The following CLNK variants were observed in gnomAD, a reference collection of about 807,000 sequenced individuals.
The protein encoded by CLNK is cytokine-dependent hematopoietic cell linker.
In CLNK, 74 loss-of-function variants were observed where a neutral mutation model predicts 68.6. That is an observed-to-expected ratio of 1.08 (90% CI 0.89 to 1.31). The LOEUF (loss-of-function observed/expected upper bound fraction) is 1.31, where lower values mean the gene tolerates loss of function less well. CLNK is among the 50% of genes most tolerant of loss of function. CLNK has a pLI of 0.00. For missense variants in CLNK, 553 were observed against 515.3 expected (o/e 1.07, Z -0.71); for synonymous variants, 198 against 172.2 (o/e 1.15, Z -1.17).
Position 10,649,343 on chromosome 4 carries a change from T to C in CLNK, c.11+18516A>G, listed in dbSNP as rs958157144. Among the ~76,000 whole-genome samples, 3 of 151,968 alleles carry C rather than the reference T, an allele frequency of 2.0e-5. No homozygotes were observed. The East Asian group carries it at 5.8e-4, about 29-fold the overall frequency. On this transcript the variant is annotated intron_variant, in intron 2 of 18. Coordinates refer to ENST00000226951, the MANE Select transcript of CLNK (RefSeq NM_052964.4). ...AAAAGCAGGGACTATTCAGAGAGAG[T>C]CCAAAATCTAAATGAAGGTGAATAA...
rs1553848181 is a variant in CLNK, at chr4:10,537,706, C to CCTTCCTTTCTTT, written c.602+2787_602+2788insAAAGAAAGGAAG. Among the ~76,000 whole-genome samples the CCTTCCTTTCTTT allele has an allele frequency of 6.7e-4, 9 of 13,400 alleles. 1 individual carries two copies. Among genetic ancestry groups the CCTTCCTTTCTTT allele is most frequent in the South Asian group, 3.3e-3 (1 of 304 alleles). 8.8% of individuals were successfully genotyped at this position (13,400 alleles called of 152,430 possible). On this transcript the variant is annotated intron_variant, in intron 11 of 18. Coordinates refer to ENST00000226951, the MANE Select transcript of CLNK (RefSeq NM_052964.4). The stretch of plus-strand genomic sequence containing the variant: ...TCCTTCCTTCCTTCCTTCCTTCCTT[C>CCTTCCTTTCTTT]CTTTCTTTCTTTCTTTCTTTCTTTC...
chr4:10,524,234 A>C (rs1718209129), intron 14 of CLNK, among the ~76,000 whole-genome samples: 1 of 152,144 alleles, frequency 6.6e-6, no homozygotes, highest in South Asian at 2.1e-4. Flanking sequence ...CCAAGAAATG[A>C]GAATAAAATT....
At chr4:10,618,983 T>C (rs1274581521) in intron 2 of CLNK, among the ~76,000 whole-genome samples, 1 of 152,188 alleles carries the variant, frequency 6.6e-6, no homozygotes, top group Non-Finnish European at 1.5e-5. Flanking sequence ...TAAATTTATA[T>C]CTAAAAGAAG....
intron 11 of CLNK, among the ~76,000 whole-genome samples, chr4:10,537,707 CT>C (rs1718846804): frequency 1.5e-4 from 6 of 39,370 alleles, no homozygotes; most frequent in African/African-American, 3.0e-4. Context: ...TCCTTCCTTC[CT>C]TTCTTTCTTT....
chr4:10,543,025 C>T (rs188508715), intron 8 of CLNK, among the ~76,000 whole-genome samples: 2 of 152,218 alleles, frequency 1.3e-5, no homozygotes, highest in Admixed American at 6.5e-5. Context: ...AAATACAATG[C>T]GATCCTTCCT....
intron 4 of CLNK, among the ~76,000 whole-genome samples, chr4:10,578,225 T>C (rs1431779332): frequency 2.0e-5 from 3 of 152,222 alleles, no homozygotes; most frequent in Non-Finnish European, 2.9e-5. Context: ...GCCAAATCCT[T>C]CTCACTCAAC....
the CLNK span, among the ~76,000 whole-genome samples, chr4:10,728,928 G>A: frequency 2.6e-5 from 4 of 151,858 alleles, no homozygotes; most frequent in Non-Finnish European, 1.5e-5. Flanking sequence ...ATATACCTTT[G>A]ATATTATTCT....
At chr4:10,591,391 G>T (rs891012968) in intron 3 of CLNK, among the ~76,000 whole-genome samples, 3 of 152,188 alleles carry the variant, frequency 2.0e-5, no homozygotes, top group Non-Finnish European at 4.4e-5. Flanking sequence ...AACTAGAACA[G>T]AATGCAACTG....
chr4:10,535,677 C>G (rs938910038), intron 11 of CLNK, among the ~76,000 whole-genome samples: 1 of 152,144 alleles, frequency 6.6e-6, no homozygotes. Flanking sequence ...AGGCTCAGTG[C>G]AGTGGTTAGT....
At chr4:10,547,611 T>G (rs1277176089) in intron 8 of CLNK, among the ~76,000 whole-genome samples, 1 of 152,166 alleles carries the variant, frequency 6.6e-6, no homozygotes, top group African/African-American at 2.4e-5. Context: ...GCACCATAAC[T>G]GAAACTTTGT....
chr4:10,713,526 C>A, the CLNK span, among the ~76,000 whole-genome samples: 4 of 151,956 alleles, frequency 2.6e-5, no homozygotes, highest in East Asian at 5.8e-4. Flanking sequence ...TAGAGAGAGA[C>A]CTGGGGGTAG....
At chr4:10,654,384 A>ATATATATATATATATATATATAT (rs1723874404) in intron 2 of CLNK, among the ~76,000 whole-genome samples, 1 of 84,136 alleles carries the variant, frequency 1.2e-5, no homozygotes, top group Non-Finnish European at 3.1e-5. Flanking sequence ...ATATTGATTA[A>ATATATATATATATATATATATAT]ATATATATAT....
At chr4:10,532,964 TAAC>T (rs780054835) in intron 11 of CLNK, among the ~76,000 whole-genome samples, 1 of 152,098 alleles carries the variant, frequency 6.6e-6, no homozygotes, top group Non-Finnish European at 1.5e-5. Context: ...AAATAAAAAG[TAAC>T]AAAGTTGGGG....
At chr4:10,493,117 G>A (rs528854087) in intron 18 of CLNK, among the ~76,000 whole-genome samples, 1 of 152,312 alleles carries the variant, frequency 6.6e-6, no homozygotes, top group South Asian at 2.1e-4. Flanking sequence ...AGGAGTTCGA[G>A]GCCAGCCTGG....
chr4:10,576,143 C>T (rs747326794), intron 4 of CLNK, among the ~76,000 whole-genome samples: 9 of 152,292 alleles, frequency 5.9e-5, no homozygotes, highest in South Asian at 2.1e-4. Context: ...CGGGAAGCAG[C>T]GATAGAACCT....
At chr4:10,600,338 T>G (rs922647905) in intron 2 of CLNK, among the ~76,000 whole-genome samples, 1 of 152,226 alleles carries the variant, frequency 6.6e-6, no homozygotes, top group African/African-American at 2.4e-5. Flanking sequence ...TTTCGTTTGT[T>G]CATGAGTCTA....
At chr4:10,561,394 A>G (rs1053279245) in intron 7 of CLNK, among the ~76,000 whole-genome samples, 11 of 152,324 alleles carry the variant, frequency 7.2e-5, no homozygotes, top group African/African-American at 2.4e-4. Context: ...AGGAAGCTAC[A>G]AAGATGATAT....
intron 12 of CLNK, among the ~76,000 whole-genome samples, chr4:10,530,991 TA>T (rs1456676426): frequency 7.2e-5 from 11 of 152,222 alleles, no homozygotes; most frequent in Admixed American, 4.6e-4. Flanking sequence ...TTAGGGAGAT[TA>T]GGGGTAATAA....
At chr4:10,512,233 A>AT (rs199665271) in intron 16 of CLNK, among the ~76,000 whole-genome samples, 4,946 of 141,652 alleles carry the variant, frequency 0.035, 114 homozygotes, top group African/African-American at 0.06. Flanking sequence ...AAGGATATGC[A>AT]TTTTTTTTTT....
Sources: allele counts gnomAD v4.1 joint callset (sites outside exome capture counted in the v4.1 genomes callset), GRCh38; gene constraint gnomAD v4.1.1; transcripts MANE v1.5; gene names NCBI Gene and HGNC (gene_info 2026-07-23, HGNC 2026-07-21).